Variants in RANBP2 observed in about 807,000 individuals in gnomAD.
The protein encoded by RANBP2 is E3 SUMO-protein ligase RanBP2.
Under a neutral mutation model 303.6 loss-of-function variants are expected in RANBP2, and 57 were observed. The ratio of observed to expected loss-of-function variants is 0.19; its 90% CI spans 0.15 to 0.23. The LOEUF (loss-of-function observed/expected upper bound fraction) is 0.23, where lower values mean the gene tolerates loss of function less well. Ranked by LOEUF, RANBP2 falls within the 10% of genes least tolerant of loss-of-function variation. The pLI is 1.00. For synonymous variants in RANBP2, 1,167 were observed against 1,301.5 expected, an observed-to-expected ratio of 0.90 and a Z score of 2.23; for missense variants, 3,138 against 3,780.8, an observed-to-expected ratio of 0.83 and a Z score of 4.46.
chr2:109,373,461 A>G, the RANBP2 span, among the ~76,000 whole-genome samples: 26 of 152,240 alleles, frequency 1.7e-4, no homozygotes, highest in Admixed American at 1.7e-3. Context: ...ATACAATGGA[A>G]CGCTCTCCCA....
chr2:109,661,631 C>T, the RANBP2 span, among the ~76,000 whole-genome samples: 3 of 152,174 alleles, frequency 2.0e-5, no homozygotes, highest in Non-Finnish European at 4.4e-5. Flanking sequence ...ATGGTCATAC[C>T]TACCTGCAAG....
the RANBP2 span, among the ~76,000 whole-genome samples, chr2:109,641,133 ATTTGTTTGTTTG>A: frequency 1.3e-5 from 2 of 151,052 alleles, no homozygotes; most frequent in African/African-American, 4.9e-5. Flanking sequence ...GGTTTTATTT[ATTTGTTTGTTTG>A]TTTGTTTGTT....
the RANBP2 span, among the ~76,000 whole-genome samples, chr2:109,332,946 T>G: frequency 6.6e-6 from 1 of 152,382 alleles, no homozygotes; most frequent in Middle Eastern, 3.4e-3. Context: ...ACTGTGACAG[T>G]GAGACCTTGG....
chr2:109,525,655 G>C, the RANBP2 span, among the ~76,000 whole-genome samples: 1 of 152,194 alleles, frequency 6.6e-6, no homozygotes, highest in Non-Finnish European at 1.5e-5. Context: ...TCACCATCAG[G>C]GTAGCTCAGG....
chr2:109,154,265 G>A, the RANBP2 span, among the ~76,000 whole-genome samples: 1 of 152,216 alleles, frequency 6.6e-6, no homozygotes, highest in Non-Finnish European at 1.5e-5. Flanking sequence ...ACATTGGATG[G>A]AAGCTGGGAA....
the RANBP2 span, among the ~76,000 whole-genome samples, chr2:109,318,305 G>A: frequency 4.6e-5 from 7 of 152,128 alleles, no homozygotes; most frequent in East Asian, 2.0e-4. Flanking sequence ...TCCTCCTAGC[G>A]TGACTGGCTG....
chr2:109,121,052 C>T, the RANBP2 span, among the ~76,000 whole-genome samples: 1 of 152,110 alleles, frequency 6.6e-6, no homozygotes, highest in Admixed American at 6.5e-5. Flanking sequence ...CGAGACCATC[C>T]TAGCTAACAT....
At chr2:109,407,813 G>A in the RANBP2 span, among the ~76,000 whole-genome samples, 2 of 152,204 alleles carry the variant, frequency 1.3e-5, no homozygotes, top group Non-Finnish European at 2.9e-5. Context: ...GGAAATAGCT[G>A]TACCTCCATG....
the RANBP2 span, among the ~76,000 whole-genome samples, chr2:109,515,869 G>T: frequency 6.6e-6 from 1 of 151,998 alleles, no homozygotes; most frequent in Non-Finnish European, 1.5e-5. Flanking sequence ...ACTCATTACC[G>T]CCAGGAACGC....
chr2:109,694,938 T>C, the RANBP2 span, among the ~76,000 whole-genome samples: 1 of 151,986 alleles, frequency 6.6e-6, no homozygotes, highest in Non-Finnish European at 1.5e-5. Flanking sequence ...AAATATTAGC[T>C]CTTTTGTTAT....
At chr2:109,336,027 CCCATCAGGAAA>C in the RANBP2 span, among the ~76,000 whole-genome samples, 1 of 152,164 alleles carries the variant, frequency 6.6e-6, no homozygotes, top group Non-Finnish European at 1.5e-5. Context: ...ACATCTGGAA[CCCATCAGGAAA>C]AGCTTTAGCG....
At chr2:109,169,724 A>C in the RANBP2 span, among the ~76,000 whole-genome samples, 1,221 of 150,444 alleles carry the variant, frequency 8.1e-3, 11 homozygotes, top group East Asian at 0.041. Flanking sequence ...CTATATATAT[A>C]ACCAAAATAC....
chr2:109,378,278 C>T, the RANBP2 span, among the ~76,000 whole-genome samples: 1 of 152,188 alleles, frequency 6.6e-6, no homozygotes, highest in African/African-American at 2.4e-5. Flanking sequence ...TGCCTTCCCT[C>T]CTCCTTCCAA....
the RANBP2 span, among the ~76,000 whole-genome samples, chr2:109,187,093 A>G: frequency 6.6e-6 from 1 of 152,126 alleles, no homozygotes; most frequent in African/African-American, 2.4e-5. Flanking sequence ...TAGCATCATG[A>G]CCACACTCTT....
the RANBP2 span, among the ~76,000 whole-genome samples, chr2:108,872,431 T>A: frequency 1.3e-5 from 2 of 152,222 alleles, no homozygotes; most frequent in East Asian, 3.8e-4. Flanking sequence ...TACCCTACTT[T>A]TACTACATAG....
chr2:108,851,940 C>T, the RANBP2 span, among the ~76,000 whole-genome samples: 40 of 152,246 alleles, frequency 2.6e-4, no homozygotes, highest in East Asian at 1.3e-3. Flanking sequence ...TGTGCCAAAA[C>T]GATACAATCT....
the RANBP2 span, among the ~76,000 whole-genome samples, chr2:109,537,496 T>A: frequency 6.6e-6 from 1 of 152,210 alleles, no homozygotes; most frequent in Non-Finnish European, 1.5e-5. Context: ...AGACTATAAA[T>A]ACCCTTTCTC....
At chr2:109,028,447 C>T in the RANBP2 span, among the ~76,000 whole-genome samples, 1 of 152,218 alleles carries the variant, frequency 6.6e-6, no homozygotes, top group Non-Finnish European at 1.5e-5. Flanking sequence ...ACCCTGGCTT[C>T]CCCGTTGCTG....
chr2:109,196,561 G>A, the RANBP2 span, among the ~76,000 whole-genome samples: 1 of 152,210 alleles, frequency 6.6e-6, no homozygotes, highest in African/African-American at 2.4e-5. Context: ...TTGTCGTCCT[G>A]CAAGAGTGGC....
Sources: allele counts gnomAD v4.1 joint callset (sites outside exome capture counted in the v4.1 genomes callset), GRCh38; gene constraint gnomAD v4.1.1; transcripts MANE v1.5; gene names NCBI Gene and HGNC (gene_info 2026-07-23, HGNC 2026-07-21).